DYNAP: variants seen among roughly 807,000 people sequenced by gnomAD.
DYNAP encodes dynactin-associated protein.
A neutral mutation model predicts 8.5 loss-of-function variants in DYNAP; 7 were observed. The ratio of observed to expected loss-of-function variants is 0.82; its 90% confidence interval spans 0.47 to 1.54. The LOEUF (loss-of-function observed/expected upper bound fraction) is 1.54, where lower values mean the gene tolerates loss of function less well. Among genes scored for constraint, DYNAP ranks in the 40% most tolerant of loss-of-function variants. The pLI is 0.01. For synonymous variants in DYNAP, 77 were observed against 77.9 expected, an observed-to-expected ratio of 0.99 and a Z score of 0.06; for missense variants, 256 against 224.3, an observed-to-expected ratio of 1.14 and a Z score of -0.90.
the DYNAP span, among the ~76,000 whole-genome samples, chr18:54,576,228 A>T: frequency 6.6e-6 from 1 of 152,142 alleles, no homozygotes; most frequent in Admixed American, 6.6e-5. Context: ...TCTGTTTTGG[A>T]CATATACACT....
chr18:54,576,747 G>A, the DYNAP span, among the ~76,000 whole-genome samples: 1 of 151,984 alleles, frequency 6.6e-6, no homozygotes, highest in African/African-American at 2.4e-5. Flanking sequence ...AGGCTGCGGT[G>A]AGACATGATT....
chr18:54,590,430 T>C (rs1372473743), upstream of DYNAP, among the ~76,000 whole-genome samples: 2 of 152,104 alleles, frequency 1.3e-5, no homozygotes, highest in African/African-American at 4.8e-5. Context: ...AGCTTGAGGG[T>C]AAAACTTACA....
upstream of DYNAP, among the ~76,000 whole-genome samples, chr18:54,583,487 G>A (rs1910783767): frequency 6.6e-6 from 1 of 152,096 alleles, no homozygotes; most frequent in African/African-American, 2.4e-5. Flanking sequence ...TGTAACAGGA[G>A]TACAGAGAAG....
rs188491758 is a variant in DYNAP, at chr18:54,597,737, A to G, written c.223-76A>G. On this transcript the variant is annotated intron_variant, in intron 2 of 2. Transcript: ENST00000648945. Reference sequence around the variant, plus strand: ...TCAAATGATGTTAACCCAATAAGTTATAAGTAATATAAAAGAGATGATAAA... The same window carrying G: ...TCAAATGATGTTAACCCAATAAGTTGTAAGTAATATAAAAGAGATGATAAA... The G allele has an allele frequency of 1.3e-4, 184 of 1,433,760 alleles. No individual in the cohort carries two copies. In the African/African-American group the frequency reaches 2.1e-3, roughly 16 times the overall value. The allele number at this position is 1,433,760 out of a possible 1,614,324, so 88.8% of individuals were successfully genotyped here. A position where few individuals can be genotyped will look rare whatever the true frequency, so the allele number is the denominator to read the frequency against.
At chr18:54,588,373 T>C (rs146856589), upstream of DYNAP, among the ~76,000 whole-genome samples, 2,373 of 152,046 alleles carry the variant, frequency 0.016, 64 homozygotes, top group African/African-American at 0.054. Flanking sequence ...GCCCGGCTAA[T>C]TTTTGTATTT....
At position 54,598,514 on chromosome 18, in the gene DYNAP, G is replaced by A. The variant is rs1911410329; in HGVS notation, c.*369G>A. On this transcript the variant is annotated 3_prime_UTR_variant, in exon 3 of 3. Transcript: ENST00000648945. Reference sequence around the variant, plus strand: ...CTCCACCTATTCATCTGAGGACTAAGCTCTGATTTTTCATCTTGCCCAAAT... The same window carrying A: ...CTCCACCTATTCATCTGAGGACTAAACTCTGATTTTTCATCTTGCCCAAAT... 5.4e-6 allele frequency: 1 copy of A among 184,536 alleles called. No homozygotes were observed. The highest frequency in any genetic ancestry group is 2.3e-5 in the African/African-American group (1 of 42,768). The allele number at this position is 184,536 out of a possible 1,614,324, so 11.4% of individuals were successfully genotyped here.
upstream of DYNAP, among the ~76,000 whole-genome samples, chr18:54,586,274 G>A (rs553331675): frequency 2.0e-5 from 3 of 152,208 alleles, no homozygotes; most frequent in Non-Finnish European, 2.9e-5. Flanking sequence ...GGGCCTTGAT[G>A]TTCACAAAAA....
intron 2 of DYNAP, 108 bp from the exon 3 acceptor site, chr18:54,597,705 T>C (rs778068135): frequency 8.0e-6 from 9 of 1,121,502 alleles, no homozygotes; most frequent in Admixed American, 5.2e-5. Flanking sequence ...CAGAGACACA[T>C]AGTGACTCAA....
chr18:54,595,117 C>A lies in DYNAP; in HGVS notation c.222+14C>A. 1 of 1,601,646 alleles carries A rather than the reference C, an allele frequency of 6.2e-7. No individual in the cohort carries two copies. Among genetic ancestry groups the A allele is most frequent in the Non-Finnish European group, 8.5e-7 (1 of 1,173,550 alleles). On this transcript the variant is annotated intron_variant, in intron 2 of 2. Transcript: ENST00000648945. Reference sequence around the variant, plus strand: ...TGTAACACACAGGTAATGTGTAGCACGGGAGCTTTTATTCAAGTTGGGATG... The same window carrying A: ...TGTAACACACAGGTAATGTGTAGCAAGGGAGCTTTTATTCAAGTTGGGATG...
At chr18:54,575,972 T>G in the DYNAP span, among the ~76,000 whole-genome samples, 16 of 152,328 alleles carry the variant, frequency 1.1e-4, no homozygotes, top group African/African-American at 3.4e-4. Flanking sequence ...CTGATTACTT[T>G]TGTTCATTCT....
chr18:54,591,251 G>C lies in DYNAP; in HGVS notation c.-32G>C. Reference sequence around the variant, plus strand: ...AATGAACAAATTGAAAAATATTCTTGGAGAGAAGCTTGTGATACTGGCAGC... The same window carrying C: ...AATGAACAAATTGAAAAATATTCTTCGAGAGAAGCTTGTGATACTGGCAGC... On this transcript the variant is annotated 5_prime_UTR_variant, in exon 1 of 3. Transcript: ENST00000648945. 1 of 1,612,610 alleles carries C rather than the reference G, an allele frequency of 6.2e-7. No homozygotes were observed. The highest frequency in any genetic ancestry group is 8.5e-7 in the Non-Finnish European group (1 of 1,179,146).
upstream of DYNAP, among the ~76,000 whole-genome samples, chr18:54,582,842 A>G (rs1568238393): frequency 6.6e-6 from 1 of 152,152 alleles, no homozygotes. Flanking sequence ...CCTAGCTTTC[A>G]TTATTCATGT....
the DYNAP span, among the ~76,000 whole-genome samples, chr18:54,579,515 C>T: frequency 4.1e-4 from 62 of 152,248 alleles, no homozygotes; most frequent in African/African-American, 1.5e-3. Flanking sequence ...AAACTCTTGC[C>T]TTGATAAAAG....
At chr18:54,591,152 C>T, upstream of DYNAP, 1 of 1,498,588 alleles carries the variant, frequency 6.7e-7, no homozygotes, top group Non-Finnish European at 8.9e-7. Context: ...TAGTTTAATC[C>T]ACACTTGTAC....
upstream of DYNAP, among the ~76,000 whole-genome samples, chr18:54,583,290 G>T (rs1425778647): frequency 6.6e-6 from 1 of 152,208 alleles, no homozygotes; most frequent in Non-Finnish European, 1.5e-5. Flanking sequence ...CTGAAGGGTA[G>T]AGTGCAGCCT....
chr18:54,588,206 ATTTTT>A (rs11364471), upstream of DYNAP, among the ~76,000 whole-genome samples: 1 of 138,838 alleles, frequency 7.2e-6, no homozygotes, highest in Non-Finnish European at 1.6e-5. Context: ...GTTGGGAATA[ATTTTT>A]TTTTTTTTTT....
At chr18:54,591,156 CTT>C (rs777980055), upstream of DYNAP, 5 of 1,575,730 alleles carry the variant, frequency 3.2e-6, no homozygotes, top group Non-Finnish European at 4.3e-6. Flanking sequence ...TTAATCCACA[CTT>C]GTACTGATGC....
Position 54,598,185 on chromosome 18 carries a change from C to G in DYNAP, c.*40C>G, listed in dbSNP as rs561029083. On this transcript the variant is annotated 3_prime_UTR_variant, in exon 3 of 3. Transcript: ENST00000648945. ...GCCATCACTTCAACTGAAACTTCAA[C>G]CTCTACCACTTCAACTCAGTTTGCA... The G allele has an allele frequency of 6.4e-7, 1 of 1,563,586 alleles. No homozygotes were observed. Among genetic ancestry groups the G allele is most frequent in the Non-Finnish European group, 8.7e-7 (1 of 1,151,758 alleles).
intron 2 of DYNAP, among the ~76,000 whole-genome samples, 174 bp from the exon 3 acceptor site, chr18:54,597,639 G>A (rs1310754656): frequency 1.3e-5 from 2 of 151,736 alleles, no homozygotes; most frequent in South Asian, 2.1e-4. Context: ...CTAATGTAAG[G>A]GACAGCAGAC....
Sources: allele counts gnomAD v4.1 joint callset (sites outside exome capture counted in the v4.1 genomes callset), GRCh38; gene constraint gnomAD v4.1.1; transcripts MANE v1.5; gene names NCBI Gene and HGNC (gene_info 2026-07-23, HGNC 2026-07-21).